The following LPP variants were observed in gnomAD, a reference collection of about 807,000 sequenced individuals.
The protein encoded by LPP is LIM domain containing preferred translocation partner in lipoma, also known as lipoma-preferred partner.
Under a neutral mutation model 60.4 loss-of-function variants are expected in LPP, and 38 were observed. That is an observed-to-expected ratio of 0.63 (90% CI 0.49 to 0.83). The LOEUF is 0.83. Among genes scored for constraint, LPP ranks in the 40% least tolerant of loss-of-function variants. The probability of loss-of-function intolerance (pLI) is 0.00; values close to 1 mark genes in which losing one functional copy is unlikely to be tolerated. For synonymous variants in LPP, 328 were observed against 290.8 expected, an observed-to-expected ratio of 1.13 and a Z score of -1.30; for missense variants, 902 against 783.6, an observed-to-expected ratio of 1.15 and a Z score of -1.80.
chr3:188,638,072 T>C (rs1254271126), intron 7 of LPP, among the ~76,000 whole-genome samples: 1 of 148,644 alleles, frequency 6.7e-6, no homozygotes, highest in African/African-American at 2.5e-5. Flanking sequence ...AAAAGAGAAT[T>C]TTAGACCAAT....
intron 8 of LPP, among the ~76,000 whole-genome samples, chr3:188,727,832 C>T (rs1257639328): frequency 1.3e-5 from 2 of 152,148 alleles, no homozygotes; most frequent in Admixed American, 6.5e-5. Flanking sequence ...ATACGGATAT[C>T]AAGAGCCTAG....
At chr3:188,279,183 G>A (rs1741064975) in intron 2 of LPP, among the ~76,000 whole-genome samples, 1 of 152,174 alleles carries the variant, frequency 6.6e-6, no homozygotes, top group Admixed American at 6.5e-5. Context: ...CACAGCCATG[G>A]AATGACTGCA....
chr3:188,800,977 C>A (rs1470392010), intron 9 of LPP, among the ~76,000 whole-genome samples: 2 of 152,078 alleles, frequency 1.3e-5, no homozygotes, highest in Non-Finnish European at 2.9e-5. Flanking sequence ...CTCCACAGAT[C>A]CCTGGGGGTT....
At chr3:188,853,187 A>G (rs1420022704) in intron 9 of LPP, among the ~76,000 whole-genome samples, 4 of 152,170 alleles carry the variant, frequency 2.6e-5, no homozygotes, top group Non-Finnish European at 4.4e-5. Flanking sequence ...GTCAGGCAGC[A>G]TCACTGCTAT....
At chr3:188,742,184 C>T (rs555771786) in intron 8 of LPP, among the ~76,000 whole-genome samples, 121 of 152,214 alleles carry the variant, frequency 7.9e-4, no homozygotes, top group Admixed American at 3.3e-3. Context: ...AATTCTCATA[C>T]ACTGCAGTTG....
In LPP at chr3:188,661,446, C is replaced by T. The variant is rs142097870; in HGVS notation, c.1114-46821C>T. Among the ~76,000 whole-genome samples, 121 of 152,262 alleles carry T rather than the reference C, an allele frequency of 7.9e-4. 1 individual carries two copies. The East Asian group carries it at 0.023, about 29-fold the overall frequency. ...CTTCCAAAGTATCTGTACCATTTTGCGGTCCCACCTGCAATGAATGCGTGT... is the reference window on the plus strand; with the variant it reads ...CTTCCAAAGTATCTGTACCATTTTGTGGTCCCACCTGCAATGAATGCGTGT... On this transcript the variant is annotated intron_variant, in intron 7 of 11. Coordinates refer to ENST00000617246, the MANE Select transcript of LPP (RefSeq NM_001375462.1).
chr3:188,532,317 C>T (rs564846395), intron 6 of LPP, among the ~76,000 whole-genome samples: 12 of 152,158 alleles, frequency 7.9e-5, no homozygotes, highest in Admixed American at 2.6e-4. Flanking sequence ...CCCAGCAACT[C>T]GAGAGGCTGA....
chr3:188,215,698 T>A (rs1162480147), intron 1 of LPP, among the ~76,000 whole-genome samples: 2 of 152,206 alleles, frequency 1.3e-5, no homozygotes, highest in African/African-American at 4.8e-5. Context: ...AACCTCCATG[T>A]TATAGAAGAA....
intron 2 of LPP, among the ~76,000 whole-genome samples, chr3:188,255,323 A>G (rs1298069097): frequency 6.6e-6 from 1 of 152,224 alleles, no homozygotes; most frequent in African/African-American, 2.4e-5. Flanking sequence ...GAGACTTTGC[A>G]TTAGTCTACC....
chr3:188,700,847 C>T (rs1450560506), intron 7 of LPP, among the ~76,000 whole-genome samples: 1 of 152,162 alleles, frequency 6.6e-6, no homozygotes, highest in Non-Finnish European at 1.5e-5. Flanking sequence ...TCTGTGATTT[C>T]ACTCTAAAGA....
At chr3:188,173,998 A>G (rs957325494) in intron 1 of LPP, among the ~76,000 whole-genome samples, 2 of 152,242 alleles carry the variant, frequency 1.3e-5, no homozygotes, top group Non-Finnish European at 2.9e-5. Flanking sequence ...TAACCCTCAC[A>G]AAATGCCACA....
intron 1 of LPP, among the ~76,000 whole-genome samples, chr3:188,210,295 G>T (rs192062233): frequency 6.6e-6 from 1 of 152,108 alleles, no homozygotes; most frequent in Non-Finnish European, 1.5e-5. Context: ...CTGAGGGAAC[G>T]AGTGTACATA....
At chr3:188,808,501 G>A (rs1030949894) in intron 9 of LPP, among the ~76,000 whole-genome samples, 1 of 152,000 alleles carries the variant, frequency 6.6e-6, no homozygotes, top group Non-Finnish European at 1.5e-5. Context: ...TGCCCTAAGA[G>A]CCACAAGACT....
chr3:188,585,976 G>A (rs1837338121), intron 6 of LPP, among the ~76,000 whole-genome samples: 1 of 152,194 alleles, frequency 6.6e-6, no homozygotes, highest in African/African-American at 2.4e-5. Context: ...AAGATGGCAG[G>A]CTTTCTGGAA....
chr3:188,835,098 C>A (rs1346340061), intron 9 of LPP, among the ~76,000 whole-genome samples: 1 of 151,946 alleles, frequency 6.6e-6, no homozygotes, highest in Non-Finnish European at 1.5e-5. Context: ...TTCAATTAAC[C>A]CACAAGAAGG....
intron 6 of LPP, among the ~76,000 whole-genome samples, chr3:188,552,481 T>C (rs1828408825): frequency 6.6e-6 from 1 of 152,162 alleles, no homozygotes; most frequent in Non-Finnish European, 1.5e-5. Context: ...ACCACGAAAT[T>C]GGTGTCTTAA....
intron 7 of LPP, among the ~76,000 whole-genome samples, chr3:188,662,947 T>C (rs915393777): frequency 2.0e-5 from 3 of 152,260 alleles, no homozygotes; most frequent in African/African-American, 7.2e-5. Flanking sequence ...TGTCACATGT[T>C]ACATTAATAA....
rs920492734 is a variant in LPP, at chr3:188,665,713, G to A, written c.1114-42554G>A. Among the ~76,000 whole-genome samples, 14 of 151,886 alleles carry A rather than the reference G, an allele frequency of 9.2e-5. No individual in the cohort carries two copies. The South Asian group carries it at 1.2e-3, about 14-fold the overall frequency. On this transcript the variant is annotated intron_variant, in intron 7 of 11. Transcript: ENST00000617246. ...CCTGACCTCGTGATCTGCCTGCCTC[G>A]GCCTCCCAAAGTGCTGGGATTACAG...
At chr3:188,180,881 A>G (rs1264239886) in intron 1 of LPP, 1 of 152,136 alleles carries the variant, frequency 6.6e-6, no homozygotes, top group Non-Finnish European at 1.5e-5. Context: ...TTTCATCATT[A>G]TAAATAGCAC....
Sources: gnomAD v4.1 joint callset for allele counts (sites outside exome capture counted in the v4.1 genomes callset) on GRCh38, gnomAD v4.1.1 for gene constraint, MANE v1.5 for transcripts, NCBI Gene and HGNC (gene_info 2026-07-23, HGNC 2026-07-21) for gene names.